ACAP3: variants seen among roughly 807,000 people sequenced by gnomAD.
ACAP3 encodes arf-GAP with coiled-coil, ANK repeat and PH domain-containing protein 3.
A neutral mutation model predicts 104.1 loss-of-function variants in ACAP3; 56 were observed. That is an observed-to-expected ratio of 0.54 (90% CI 0.43 to 0.67). ACAP3 has a LOEUF of 0.67. ACAP3 is among the 30% of genes least tolerant of loss of function. ACAP3 has a pLI of 0.00. For missense variants in ACAP3, 1,208 were observed against 1,174.9 expected (o/e 1.03, Z -0.41); for synonymous variants, 628 against 496.2 (o/e 1.27, Z -3.53).
In ACAP3 at chr1:1,294,172, G is replaced by A. The variant is rs1570626466; in HGVS notation, c.2167C>T (p.Leu723=). Reference sequence around the variant, plus strand: ...TGGTTCACGTCCGCTCCGTTTTGCAGCAGGAACTCACAGACGATCAAGGAG... The same window carrying A: ...TGGTTCACGTCCGCTCCGTTTTGCAACAGGAACTCACAGACGATCAAGGAG... ...GGSLIVCEFL[L]QNGADVNQRD... is the part of the protein sequence containing the mutation. Residue 723 remains leucine, a synonymous_variant, in exon 22 of 24, where the codon CTG becomes TTG. Transcript: ENST00000354700. 1 of 1,596,150 alleles carries A rather than the reference G, an allele frequency of 6.3e-7. No homozygotes were observed. Among genetic ancestry groups the A allele is most frequent in the Non-Finnish European group, 8.5e-7 (1 of 1,171,678 alleles).
Position 1,295,873 on chromosome 1 carries a change from A to G in ACAP3, c.1568T>C (p.Met523Thr). Residue 523 changes from methionine (M) to threonine (T), a missense_variant, in exon 18 of 24, where the codon ATG becomes ACG. Met to Thr is a moderately conservative substitution (Grantham distance 81). Transcript: ENST00000354700. ...VEKKFLRKAP[M>T]APALEAPRRW... ...TCTTGGGGCCTCCAGGGCTGGTGCC[A>G]TGGGCGCCTTCCGCAGAAACTTCTT... 1.2e-6 allele frequency: 2 copies of G among 1,611,934 alleles called. No individual in the cohort carries two copies. Among genetic ancestry groups the G allele is most frequent in the South Asian group, 1.1e-5 (1 of 91,090 alleles).
At chr1:1,299,618 C>A (rs1641355807) in intron 9 of ACAP3, 1 of 718,462 alleles carries the variant, frequency 1.4e-6, no homozygotes, top group Non-Finnish European at 2.3e-6. Flanking sequence ...GTGACCACCG[C>A]CTCAAAAGGA....
At chr1:1,301,748 A>C in intron 5 of ACAP3, 8 of 343,292 alleles carry the variant, frequency 2.3e-5, no homozygotes, top group East Asian at 4.7e-5. Context: ...CCAGACCCCC[A>C]AACCCAACGT....
chr1:1,298,508 C>CCCCCCGGGG, intron 11 of ACAP3, 59 bp downstream of exon 11: 1 of 1,364,032 alleles, frequency 7.3e-7, no homozygotes, highest in Non-Finnish European at 9.8e-7. Context: ...ACCCCACCCC[C>CCCCCCGGGG]GCCTGAGGAC....
At chr1:1,294,940 ACCCAGGG>A (rs1450856935) in intron 19 of ACAP3, 124 bp from the exon 20 acceptor site, 1 of 923,300 alleles carries the variant, frequency 1.1e-6, no homozygotes, top group Non-Finnish European at 1.6e-6. Flanking sequence ...ACCAGCTCCC[ACCCAGGG>A]CCGGGGGGAG....
chr1:1,295,405 T>TGGCCC (rs1446584896), intron 19 of ACAP3, 42 bp downstream of exon 19: 1 of 1,578,366 alleles, frequency 6.3e-7, no homozygotes. Flanking sequence ...CCAGCCTCCT[T>TGGCCC]GGCCCTGCCC....
Position 1,296,482 on chromosome 1 carries a change from C to G in ACAP3, c.1280G>C (p.Arg427Pro). 1.3e-6 allele frequency: 2 copies of G among 1,544,326 alleles called. No individual in the cohort carries two copies. The highest frequency in any genetic ancestry group is 1.2e-5 in the South Asian group (1 of 84,062). ...QCGDCGQPDP[R>P]WASINLGVLL... ...CACGCCCAGGTTGATGCTGGCCCAG[C>G]GGGGGTCCGGCTGGCCGCAGTCGCC... Residue 427 changes from arginine (R) to proline (P), a missense_variant, in exon 15 of 24, where the codon CGC becomes CCC. Physicochemically the swap from Arg to Pro is moderately radical, Grantham distance 103. Coordinates refer to ENST00000354700, the MANE Select transcript of ACAP3 (RefSeq NM_030649.3).
At position 1,293,875 on chromosome 1, in the gene ACAP3, G is replaced by T. The variant is rs1256378346; in HGVS notation, c.2308C>A (p.Arg770=). 1.3e-6 allele frequency: 2 copies of T among 1,576,712 alleles called. No homozygotes were observed. Among genetic ancestry groups the T allele is most frequent in the Admixed American group, 1.7e-5 (1 of 57,758 alleles). ...TGCACTGCGATGGCCAACGGGTCCC[G>T]CTGCTCTTGGTCCAGGGCGTGCTGG... ...ADQHALDQEQ[R]DPLAIAVQAA... Residue 770 remains arginine, a synonymous_variant, in exon 23 of 24, where the codon CGG becomes AGG. Coordinates refer to ENST00000354700, the MANE Select transcript of ACAP3 (RefSeq NM_030649.3).
At position 1,298,027 on chromosome 1, in the gene ACAP3, C is replaced by A; in HGVS notation, c.1002G>T (p.Val334=). 1 of 1,611,896 alleles carries A rather than the reference C, an allele frequency of 6.2e-7. No individual in the cohort carries two copies. The highest frequency in any genetic ancestry group is 1.1e-5 in the South Asian group (1 of 90,972). The change falls in exon 13 of 24, where the codon GTG becomes GTT. Residue 334 remains valine (V), a synonymous_variant. Transcript: ENST00000354700. ...EDIERRFCFE[V]LSPTKSCMLQ... ...GGCCTCCTCACTTGGTGGGTGACAG[C>A]ACCTCGAAGCAGAACCTCCGCTCGA...
chr1:1,297,835 C>T lies in ACAP3; in HGVS notation c.1115G>A (p.Ser372Asn), dbSNP rs749605784. 6 of 1,611,448 alleles carry T rather than the reference C, an allele frequency of 3.7e-6. No homozygotes were observed. In the Middle Eastern group the frequency reaches 6.7e-4, roughly 181 times the overall value. The change falls in exon 14 of 24, where the codon AGT (serine) becomes AAT (asparagine). Residue 372 changes from serine to asparagine, a missense_variant. Ser to Asn is a conservative substitution (Grantham distance 46, BLOSUM62 1). Coordinates refer to ENST00000354700, the MANE Select transcript of ACAP3 (RefSeq NM_030649.3). ...IASAYRESPD[S>N]CYSERLDRTA... Reference sequence around the variant, plus strand: ...CAAGGGCCACACCTCGCTATAGCAACTGTCAGGGCTCTCGCGGTAGGCGGA... The same window carrying T: ...CAAGGGCCACACCTCGCTATAGCAATTGTCAGGGCTCTCGCGGTAGGCGGA...
At chr1:1,302,582 T>C (rs1641491311) in intron 4 of ACAP3, among the ~76,000 whole-genome samples, 1 of 152,126 alleles carries the variant, frequency 6.6e-6, no homozygotes, top group African/African-American at 2.4e-5. Context: ...CACGGGTGCC[T>C]GTCCTGTGTG....
chr1:1,299,501 A>G, intron 9 of ACAP3, 145 bp from the exon 10 acceptor site: 1 of 1,034,300 alleles, frequency 9.7e-7, no homozygotes, highest in African/African-American at 1.7e-5. Flanking sequence ...CTATCCCAAA[A>G]TAGCCACTCC....
chr1:1,293,622 T>C lies in ACAP3; in HGVS notation c.2447A>G (p.Glu816Gly). 6.7e-7 allele frequency: 1 copy of C among 1,491,330 alleles called. No homozygotes were observed. 92.4% of individuals were successfully genotyped at this position (1,491,330 alleles called of 1,614,324 possible). The stretch of plus-strand genomic sequence containing the variant: ...CTGGATACACCTGCGGAACTGGAGC[T>C]CCGTGGGGCTGCCCGCCAGGGCGCC... ...PPGALAGSPT[E>G]LQFRRCIQEF... Residue 816 changes from glutamate to glycine, a missense_variant, in exon 24 of 24, where the codon GAG (glutamate) becomes GGG (glycine). Glu to Gly is a moderately conservative substitution (Grantham distance 98). Transcript: ENST00000354700.
Position 1,298,069 on chromosome 1 carries a change from C to A in ACAP3, c.960G>T (p.Val320=). 6.2e-7 allele frequency: 1 copy of A among 1,610,948 alleles called. No homozygotes were observed. Among genetic ancestry groups the A allele is most frequent in the South Asian group, 1.1e-5 (1 of 90,748 alleles). ...VVVDDLRLCS[V]KPCEDIERRF... ...TCCGCTCGATGTCCTCACACGGCTT[C>A]ACAGAGCACAGGCGGAGGTCATCCA... The change falls in exon 13 of 24, where the codon GTG becomes GTT. Residue 320 remains valine (V), a synonymous_variant. Transcript: ENST00000354700.
At chr1:1,301,426 ATTTTT>A (rs70949569) in intron 5 of ACAP3, 4 of 109,986 alleles carry the variant, frequency 3.6e-5, no homozygotes, top group South Asian at 3.0e-4. Context: ...TGCCCATCTA[ATTTTT>A]TTTTTTTTTT....
rs984920120 is a variant in ACAP3, at chr1:1,296,611, G to A, written c.1151C>T (p.Pro384Leu). The A allele has an allele frequency of 3.5e-5, 54 of 1,537,792 alleles. No homozygotes were observed. In the East Asian group the frequency reaches 7.6e-4, roughly 22 times the overall value. The stretch of plus-strand genomic sequence containing the variant: ...GGCGGAGTCGATGCTGCTCGTGGAC[G>A]GGGATGCTGTGCGGTCCAGCCTCTG... The part of the protein sequence containing the change: ...YSERLDRTAS[P>L]STSSIDSATD... The change falls in exon 15 of 24, where the codon CCG (proline) becomes CTG (leucine). Residue 384 changes from proline to leucine, a missense_variant. Transcript: ENST00000354700.
At chr1:1,298,508 C>CCCCCCCGGG in intron 11 of ACAP3, 59 bp downstream of exon 11, 7 of 1,364,020 alleles carry the variant, frequency 5.1e-6, no homozygotes, top group Middle Eastern at 2.7e-4. Context: ...ACCCCACCCC[C>CCCCCCCGGG]GCCTGAGGAC....
chr1:1,295,278 G>A (rs1188328889), intron 19 of ACAP3, among the ~76,000 whole-genome samples, 169 bp downstream of exon 19: 2 of 152,142 alleles, frequency 1.3e-5, no homozygotes, highest in Non-Finnish European at 2.9e-5. Flanking sequence ...CATTTGCACA[G>A]CTCACCCCTG....
chr1:1,295,946 AG>A lies in ACAP3; in HGVS notation c.1503-9del, dbSNP rs772309918. 14 of 1,612,254 alleles carry A rather than the reference AG, an allele frequency of 8.7e-6. No homozygotes were observed. In the South Asian group the frequency reaches 1.1e-4, roughly 13 times the overall value. On this transcript the variant is annotated splice_polypyrimidine_tract_variant and intron_variant, in intron 17 of 23. Transcript: ENST00000354700. ...CAGGCCTCCTTGTCCTGCCTGGACC[AG>A]GGGGGAACATGAGGCTGTGCCCCCA...
Sources: allele counts gnomAD v4.1 joint callset (sites outside exome capture counted in the v4.1 genomes callset), GRCh38; gene constraint gnomAD v4.1.1; transcripts MANE v1.5; gene names NCBI Gene and HGNC (gene_info 2026-07-23, HGNC 2026-07-21).